The following KIF6 variants were observed in gnomAD, a reference collection of about 807,000 sequenced individuals.
The protein encoded by KIF6 is kinesin-like protein KIF6.
KIF6 carries 106 observed loss-of-function variants against 112.7 expected under a neutral mutation model. That is an observed-to-expected ratio of 0.94 (90% CI 0.80 to 1.11). The LOEUF is 1.11. KIF6 is among the 50% of genes least tolerant of loss of function. The pLI, the probability that KIF6 is intolerant of heterozygous loss-of-function variation, is 0.00. For synonymous variants in KIF6, 339 were observed against 339.9 expected (o/e 1.00, Z 0.03); for missense variants, 929 against 964.0 (o/e 0.96, Z 0.48).
At chr6:39,571,411 T>C (rs1489456489) in intron 10 of KIF6, among the ~76,000 whole-genome samples, 3 of 152,188 alleles carry the variant, frequency 2.0e-5, no homozygotes, top group Admixed American at 2.0e-4. Context: ...TCTTTCATGG[T>C]CACCCTGCTA....
chr6:39,344,161 C>T (rs4312982), intron 21 of KIF6, among the ~76,000 whole-genome samples: 6,554 of 152,238 alleles, frequency 0.043, 215 homozygotes, highest in Non-Finnish European at 0.06. Flanking sequence ...ATACTGTTCT[C>T]GTGGTAGTGA....
intron 13 of KIF6, among the ~76,000 whole-genome samples, chr6:39,527,688 C>T (rs1777812868): frequency 6.6e-6 from 1 of 152,214 alleles, no homozygotes; most frequent in Non-Finnish European, 1.5e-5. Context: ...AGCAATTTCT[C>T]ACTTATTTTT....
intron 14 of KIF6, among the ~76,000 whole-genome samples, chr6:39,423,676 T>C (rs1030394048): frequency 9.9e-5 from 15 of 152,074 alleles, no homozygotes; most frequent in Non-Finnish European, 1.5e-4. Flanking sequence ...TTTCCTGTTG[T>C]TCCTGTCTCA....
chr6:39,598,605 GTATCTA>G (rs1375028331), intron 6 of KIF6, among the ~76,000 whole-genome samples: 2 of 151,390 alleles, frequency 1.3e-5, no homozygotes, highest in South Asian at 2.1e-4. Context: ...GTGTGTGTGT[GTATCTA>G]TATATCTATA....
intron 13 of KIF6, among the ~76,000 whole-genome samples, chr6:39,494,738 T>C (rs1775674177): frequency 6.6e-6 from 1 of 152,134 alleles, no homozygotes. Flanking sequence ...AATGGTTAGG[T>C]ATTCCCACTA....
At chr6:39,396,646 C>A (rs904566055) in intron 15 of KIF6, among the ~76,000 whole-genome samples, 3 of 152,132 alleles carry the variant, frequency 2.0e-5, no homozygotes, top group African/African-American at 7.2e-5. Flanking sequence ...CTACTTAATC[C>A]CTTTGAGCCT....
At position 39,725,387 on chromosome 6, in the gene KIF6, G is replaced by A. The variant is rs993067520; in HGVS notation, c.-77C>T. ...AAAACTAACTCCCACCACCTCCGGC[G>A]ACCCACAGTCTTAGCAACAGTAGCT... is the stretch of plus-strand genomic sequence containing the variant. On this transcript the variant is annotated 5_prime_UTR_variant, in exon 1 of 23. Coordinates refer to ENST00000287152, the MANE Select transcript of KIF6 (RefSeq NM_145027.6). 6.7e-6 allele frequency: 8 copies of A among 1,200,256 alleles called. No homozygotes were observed. In the Admixed American group the frequency reaches 1.5e-4, roughly 22 times the overall value. The allele number at this position is 1,200,256 out of a possible 1,614,324, so 74.4% of individuals were successfully genotyped here.
At chr6:39,693,318 G>A (rs1329487431) in intron 3 of KIF6, among the ~76,000 whole-genome samples, 1 of 152,206 alleles carries the variant, frequency 6.6e-6, no homozygotes, top group Admixed American at 6.5e-5. Context: ...GTGAGGGAGA[G>A]ATGCCTGGCT....
intron 3 of KIF6, among the ~76,000 whole-genome samples, chr6:39,676,116 C>G (rs1787124531): frequency 6.8e-6 from 1 of 147,568 alleles, no homozygotes; most frequent in African/African-American, 2.5e-5. Flanking sequence ...AGACATGAAT[C>G]CTCAGATTTA....
chr6:39,666,212 C>T (rs1786455415), intron 3 of KIF6, among the ~76,000 whole-genome samples: 1 of 152,178 alleles, frequency 6.6e-6, no homozygotes, highest in South Asian at 2.1e-4. Flanking sequence ...TTTTAGAAGC[C>T]TTGATCACAC....
chr6:39,674,072 AG>A (rs752310954), intron 3 of KIF6, among the ~76,000 whole-genome samples: 5 of 152,316 alleles, frequency 3.3e-5, no homozygotes, highest in African/African-American at 1.2e-4. Flanking sequence ...AAATTAACCA[AG>A]GGGGAAAATA....
chr6:39,381,003 G>C (rs902078499), intron 16 of KIF6, among the ~76,000 whole-genome samples: 3 of 152,130 alleles, frequency 2.0e-5, no homozygotes, highest in African/African-American at 7.2e-5. Flanking sequence ...ATGCTTTTAT[G>C]GACTGAGCCA....
At chr6:39,483,630 G>C (rs894772768) in intron 13 of KIF6, among the ~76,000 whole-genome samples, 1 of 152,136 alleles carries the variant, frequency 6.6e-6, no homozygotes. Context: ...ATCTGAAAGA[G>C]ATCTAAAGTT....
intron 3 of KIF6, among the ~76,000 whole-genome samples, chr6:39,709,041 T>G (rs1383585037): frequency 6.6e-6 from 1 of 152,188 alleles, no homozygotes; most frequent in Non-Finnish European, 1.5e-5. Context: ...GTTTTGACAA[T>G]GTTACTAATC....
chr6:39,524,237 G>A (rs1439908237), intron 13 of KIF6, among the ~76,000 whole-genome samples: 1 of 151,912 alleles, frequency 6.6e-6, no homozygotes, highest in East Asian at 1.9e-4. Flanking sequence ...TTGTGCTCTT[G>A]GCATCCAAAG....
chr6:39,561,752 C>A (rs931959606), intron 10 of KIF6, among the ~76,000 whole-genome samples: 5 of 152,156 alleles, frequency 3.3e-5, no homozygotes, highest in African/African-American at 1.2e-4. Flanking sequence ...CCAGCTCAGC[C>A]AAGAAAGTTT....
chr6:39,402,374 G>A (rs1006265633), intron 15 of KIF6, among the ~76,000 whole-genome samples: 2 of 152,148 alleles, frequency 1.3e-5, no homozygotes, highest in Non-Finnish European at 2.9e-5. Flanking sequence ...TCCGTGCTGT[G>A]CCCGGCAGAA....
intron 3 of KIF6, among the ~76,000 whole-genome samples, chr6:39,698,928 G>A (rs72853254): frequency 0.05 from 7,636 of 152,262 alleles, 509 homozygotes; most frequent in East Asian, 0.37. Flanking sequence ...GAGGAATCAA[G>A]AATCTAATTT....
At chr6:39,486,474 G>GCTGA (rs1775119444) in intron 13 of KIF6, among the ~76,000 whole-genome samples, 1 of 152,158 alleles carries the variant, frequency 6.6e-6, no homozygotes, top group Non-Finnish European at 1.5e-5. Flanking sequence ...TAGTCACCAA[G>GCTGA]CTGACCTCTA....
Sources: gnomAD v4.1 joint callset for allele counts (sites outside exome capture counted in the v4.1 genomes callset) on GRCh38, gnomAD v4.1.1 for gene constraint, MANE v1.5 for transcripts, NCBI Gene and HGNC (gene_info 2026-07-23, HGNC 2026-07-21) for gene names.